Variants in DSCAM observed in about 807,000 individuals in gnomAD.
The protein encoded by DSCAM is cell adhesion molecule DSCAM.
A neutral mutation model predicts 217.7 loss-of-function variants in DSCAM; 47 were observed. The observed-to-expected ratio is 0.22, with a 90% confidence interval of 0.17 to 0.28. The LOEUF is 0.28. DSCAM is among the 10% of genes least tolerant of loss of function. The probability of loss-of-function intolerance (pLI) is 1.00; values close to 1 mark genes in which losing one functional copy is unlikely to be tolerated. For synonymous variants in DSCAM, 1,056 were observed against 1,015.3 expected (o/e 1.04, Z -0.76); for missense variants, 2,080 against 2,618.3 (o/e 0.79, Z 4.49).
At chr21:40,117,948 TACACACACAC>T (rs10534527) in intron 20 of DSCAM, among the ~76,000 whole-genome samples, 34 of 150,838 alleles carry the variant, frequency 2.3e-4, no homozygotes, top group Non-Finnish European at 4.6e-4. Context: ...CCAATACGTG[TACACACACAC>T]ACACACACAC....
At chr21:40,229,454 T>C (rs2091361443) in intron 11 of DSCAM, among the ~76,000 whole-genome samples, 1 of 152,230 alleles carries the variant, frequency 6.6e-6, no homozygotes, top group Non-Finnish European at 1.5e-5. Context: ...CATGGTTGCA[T>C]TATCATACAT....
chr21:40,807,076 T>C (rs1569045903), intron 1 of DSCAM, among the ~76,000 whole-genome samples: 1 of 151,888 alleles, frequency 6.6e-6, no homozygotes, highest in East Asian at 1.9e-4. Context: ...ATCTGCACGT[T>C]CTGCACATGT....
At chr21:40,793,140 A>G (rs1247892839) in intron 1 of DSCAM, among the ~76,000 whole-genome samples, 5 of 152,260 alleles carry the variant, frequency 3.3e-5, no homozygotes, top group South Asian at 2.1e-4. Flanking sequence ...TTAAGAAATC[A>G]GGCAAATTGT....
At chr21:40,723,551 T>C (rs1477499756) in intron 1 of DSCAM, among the ~76,000 whole-genome samples, 1 of 152,202 alleles carries the variant, frequency 6.6e-6, no homozygotes, top group Admixed American at 6.5e-5. Context: ...TAGGAGATGA[T>C]GCAATCTTAT....
At chr21:40,550,758 A>G (rs1338184269) in intron 3 of DSCAM, among the ~76,000 whole-genome samples, 1 of 152,220 alleles carries the variant, frequency 6.6e-6, no homozygotes, top group African/African-American at 2.4e-5. Flanking sequence ...CAGAACCATA[A>G]TATGTTCAGA....
intron 3 of DSCAM, among the ~76,000 whole-genome samples, chr21:40,652,924 T>A (rs1443174109): frequency 6.6e-6 from 1 of 152,246 alleles, no homozygotes; most frequent in Admixed American, 6.5e-5. Context: ...AGGTAAGTCA[T>A]CTGAGCACTC....
chr21:40,446,706 C>T (rs929394535), intron 3 of DSCAM, among the ~76,000 whole-genome samples: 5 of 152,264 alleles, frequency 3.3e-5, no homozygotes, highest in African/African-American at 1.2e-4. Flanking sequence ...TATGGCTCTC[C>T]CCTCAAAGGA....
chr21:40,603,224 T>G (rs2077075465), intron 3 of DSCAM, among the ~76,000 whole-genome samples: 1 of 152,144 alleles, frequency 6.6e-6, no homozygotes, highest in African/African-American at 2.4e-5. Context: ...TTAATTTTCT[T>G]GAGATGTCTT....
At chr21:40,045,412 G>T (rs2146483983) in intron 30 of DSCAM, among the ~76,000 whole-genome samples, 1 of 152,314 alleles carries the variant, frequency 6.6e-6, no homozygotes, top group Admixed American at 6.5e-5. Flanking sequence ...GGTTAAGCTG[G>T]TGCCAGATGG....
At chr21:40,481,002 C>G (rs1223615727) in intron 3 of DSCAM, among the ~76,000 whole-genome samples, 1 of 152,186 alleles carries the variant, frequency 6.6e-6, no homozygotes, top group African/African-American at 2.4e-5. Context: ...CCTAGGATGC[C>G]CTACACCCTG....
At chr21:40,663,746 C>A (rs1195764822) in intron 3 of DSCAM, among the ~76,000 whole-genome samples, 1 of 152,158 alleles carries the variant, frequency 6.6e-6, no homozygotes, top group Non-Finnish European at 1.5e-5. Flanking sequence ...CCAGAGTACT[C>A]CAAGAGCAGT....
At chr21:40,827,483 A>AAAAAAAAAAAAAAG (rs1569056712) in intron 1 of DSCAM, among the ~76,000 whole-genome samples, 1 of 133,444 alleles carries the variant, frequency 7.5e-6, no homozygotes, top group African/African-American at 2.8e-5. Context: ...AAAAAAAAAA[A>AAAAAAAAAAAAAAG]AAAGAAAAGA....
At chr21:40,625,357 C>T (rs17000133) in intron 3 of DSCAM, among the ~76,000 whole-genome samples, 10,652 of 152,190 alleles carry the variant, frequency 0.07, 832 homozygotes, top group African/African-American at 0.19. Flanking sequence ...CTTAAATTCT[C>T]CAGAAACCAG....
intron 3 of DSCAM, among the ~76,000 whole-genome samples, chr21:40,627,106 C>T (rs2089611551): frequency 6.6e-6 from 1 of 152,216 alleles, no homozygotes; most frequent in Non-Finnish European, 1.5e-5. Flanking sequence ...GCCATATCTA[C>T]TTCATGAGCT....
At chr21:40,124,444 T>C in intron 19 of DSCAM, 116 bp from the exon 20 acceptor site, 2 of 1,353,212 alleles carry the variant, frequency 1.5e-6, no homozygotes, top group Non-Finnish European at 2.0e-6. Context: ...GGATGAGCGT[T>C]ATGGGTTCCG....
intron 1 of DSCAM, among the ~76,000 whole-genome samples, chr21:40,752,234 T>C (rs9975363): frequency 0.39 from 59,736 of 151,894 alleles, 12,896 homozygotes; most frequent in African/African-American, 0.59. Context: ...CTGTCAAGAA[T>C]GGGTGCTTCC....
At chr21:40,530,728 C>T (rs141812616) in intron 3 of DSCAM, among the ~76,000 whole-genome samples, 440 of 152,254 alleles carry the variant, frequency 2.9e-3, no homozygotes, top group Non-Finnish European at 5.1e-3. Context: ...CACATTTCCT[C>T]AGGCCCCTCC....
At chr21:40,501,998 A>C (rs943013262) in intron 3 of DSCAM, among the ~76,000 whole-genome samples, 2 of 152,204 alleles carry the variant, frequency 1.3e-5, no homozygotes, top group Non-Finnish European at 2.9e-5. Flanking sequence ...TCATATATCT[A>C]AACCAGGGAC....
chr21:40,051,438 A>T (rs1379719377), intron 30 of DSCAM, among the ~76,000 whole-genome samples: 1 of 152,228 alleles, frequency 6.6e-6, no homozygotes, highest in Non-Finnish European at 1.5e-5. Context: ...GGGCAAAAGC[A>T]TAAGCTTTGG....
Sources: allele counts gnomAD v4.1 joint callset (sites outside exome capture counted in the v4.1 genomes callset), GRCh38; gene constraint gnomAD v4.1.1; transcripts MANE v1.5; gene names NCBI Gene and HGNC (gene_info 2026-07-23, HGNC 2026-07-21).